Variants in MCTP1 observed in about 807,000 individuals in gnomAD.
MCTP1 encodes the protein multiple C2 and transmembrane domain containing 1, also known as multiple C2 and transmembrane domain-containing protein 1.
Under a neutral mutation model 120.6 loss-of-function variants are expected in MCTP1, and 69 were observed. That is an observed-to-expected ratio of 0.57 (90% CI 0.47 to 0.70). MCTP1 has a LOEUF of 0.70. Among genes scored for constraint, MCTP1 ranks in the 30% least tolerant of loss-of-function variants. MCTP1 has a pLI of 0.00. For synonymous variants in MCTP1, 529 were observed against 493.1 expected (o/e 1.07, Z -0.96); for missense variants, 1,203 against 1,248.8 (o/e 0.96, Z 0.55).
chr5:94,798,914 C>A, intron 18 of MCTP1, 99 bp downstream of exon 18: 4 of 1,282,860 alleles, frequency 3.1e-6, no homozygotes, highest in Non-Finnish European at 4.3e-6. Flanking sequence ...TATTTATAGA[C>A]AGAATTCCTG....
At chr5:95,253,305 C>A (rs1248601604) in intron 1 of MCTP1, among the ~76,000 whole-genome samples, 3 of 151,984 alleles carry the variant, frequency 2.0e-5, no homozygotes, top group Non-Finnish European at 4.4e-5. Context: ...AGAATTTTTA[C>A]CCACATACTC....
chr5:95,094,386 T>TGAATTATGAATTA (rs1756065538), intron 1 of MCTP1, among the ~76,000 whole-genome samples: 1 of 152,244 alleles, frequency 6.6e-6, no homozygotes, highest in South Asian at 2.1e-4. Context: ...TAAAAATTTA[T>TGAATTATGAATTA]TGAATAAATC....
chr5:95,122,865 T>C (rs1019017196), intron 1 of MCTP1, among the ~76,000 whole-genome samples: 10 of 151,842 alleles, frequency 6.6e-5, no homozygotes, highest in African/African-American at 2.4e-4. Context: ...GAACTGGAGG[T>C]CATTATGTTA....
rs1170958013 is a variant in MCTP1, at chr5:95,284,424, G to T, written c.152C>A (p.Ala51Glu). 6.4e-7 allele frequency: 1 copy of T among 1,558,692 alleles called. No homozygotes were observed. Among genetic ancestry groups the T allele is most frequent in the Non-Finnish European group, 8.6e-7 (1 of 1,160,684 alleles). Residue 51 changes from alanine to glutamate, a missense_variant, in exon 1 of 23, where the codon GCG becomes GAG. This residue lies in a region of MCTP1 where 463 missense variants were observed against 377.8 expected (regional missense o/e 1.23). Transcript: ENST00000515393. This position sits in a 1 kb window ranked among gnomAD's most constrained non-coding sequence, Gnocchi z 5.2. ...TGGCGGGGAGGGCGACGGGGTGTCC[G>T]CAGTGCGGCGCTCTGGACCCCCAGC... ...GRAGGPERRT[A>E]DTPSPSPPPP...
At chr5:95,005,905 T>G (rs1392734216) in intron 2 of MCTP1, among the ~76,000 whole-genome samples, 1 of 152,178 alleles carries the variant, frequency 6.6e-6, no homozygotes, top group African/African-American at 2.4e-5. Flanking sequence ...TTCAGGAGGC[T>G]GGAGCCCATC....
chr5:95,179,231 G>T (rs1748343939), intron 1 of MCTP1, among the ~76,000 whole-genome samples: 1 of 152,180 alleles, frequency 6.6e-6, no homozygotes, highest in Non-Finnish European at 1.5e-5. Flanking sequence ...AGGAAGAAGA[G>T]AAATCTAAAA....
chr5:95,152,729 A>C (rs912862773), intron 1 of MCTP1, among the ~76,000 whole-genome samples: 1 of 152,152 alleles, frequency 6.6e-6, no homozygotes, highest in Non-Finnish European at 1.5e-5. Context: ...AGTTTGCTGA[A>C]GGGGAATAAA....
intron 12 of MCTP1, among the ~76,000 whole-genome samples, chr5:94,886,028 C>A (rs1167510538): frequency 2.0e-5 from 3 of 152,164 alleles, no homozygotes; most frequent in African/African-American, 7.2e-5. Flanking sequence ...CACTGTCCAA[C>A]ACTGGGCTAT....
intron 17 of MCTP1, among the ~76,000 whole-genome samples, chr5:94,818,723 T>C (rs1306170848): frequency 6.6e-6 from 1 of 152,242 alleles, no homozygotes. Flanking sequence ...AATGGCCTCC[T>C]GGTAAATTAA....
intron 1 of MCTP1, among the ~76,000 whole-genome samples, chr5:95,083,901 C>T (rs1000250519): frequency 6.6e-6 from 1 of 152,152 alleles, no homozygotes; most frequent in East Asian, 1.9e-4. Flanking sequence ...CTAAGGAATA[C>T]TACCTAGTTA....
chr5:94,833,775 A>G (rs534300612), intron 17 of MCTP1, among the ~76,000 whole-genome samples: 1 of 152,314 alleles, frequency 6.6e-6, no homozygotes, highest in Non-Finnish European at 1.5e-5. Context: ...AGTTCCCTAG[A>G]TTATCTGCAG....
intron 7 of MCTP1, among the ~76,000 whole-genome samples, chr5:94,920,252 G>T (rs1464591795): frequency 2.0e-5 from 3 of 149,364 alleles, no homozygotes; most frequent in African/African-American, 7.4e-5. Context: ...AATAGTCTTG[G>T]GCCTGCCTTA....
chr5:95,214,772 AC>A (rs1444200692), intron 1 of MCTP1, among the ~76,000 whole-genome samples: 1 of 149,706 alleles, frequency 6.7e-6, no homozygotes, highest in African/African-American at 2.5e-5. Context: ...AGGACAAAAA[AC>A]CAAACACTGC....
chr5:95,114,424 G>T (rs369064544), intron 1 of MCTP1, among the ~76,000 whole-genome samples: 9 of 152,308 alleles, frequency 5.9e-5, no homozygotes, highest in African/African-American at 2.2e-4. Context: ...GAAGACCACT[G>T]CCCTGAAGGG....
intron 1 of MCTP1, among the ~76,000 whole-genome samples, chr5:95,055,239 T>G (rs1168586324): frequency 6.6e-6 from 1 of 152,196 alleles, no homozygotes; most frequent in Non-Finnish European, 1.5e-5. Context: ...TTAACTGTAT[T>G]TACTGGATCC....
chr5:95,041,783 T>C (rs1038241517), intron 1 of MCTP1, among the ~76,000 whole-genome samples: 3 of 152,210 alleles, frequency 2.0e-5, no homozygotes, highest in Admixed American at 6.5e-5. Context: ...CCAGAAGTTG[T>C]AGGAAAAATA....
intron 1 of MCTP1, among the ~76,000 whole-genome samples, chr5:95,078,318 G>A (rs1235093755): frequency 2.6e-5 from 4 of 152,120 alleles, no homozygotes; most frequent in Non-Finnish European, 1.5e-5. Flanking sequence ...ATTCCCTAAA[G>A]CTTTCCTGGG....
chr5:94,958,786 C>T (rs552944787), intron 2 of MCTP1, among the ~76,000 whole-genome samples: 23 of 152,230 alleles, frequency 1.5e-4, no homozygotes, highest in African/African-American at 4.6e-4. Context: ...TAGTAGCCTA[C>T]CAACCAAAAA....
chr5:94,924,358 T>C (rs1018441147), intron 6 of MCTP1, among the ~76,000 whole-genome samples: 1 of 152,172 alleles, frequency 6.6e-6, no homozygotes, highest in East Asian at 1.9e-4. Context: ...CAGATATTTA[T>C]TCCTTTTAAC....
Sources: gnomAD v4.1 joint callset for allele counts (sites outside exome capture counted in the v4.1 genomes callset) on GRCh38, gnomAD v4.1.1 for gene constraint, gnomAD v4.1.1 regional missense constraint, Gnocchi (gnomAD v3.1) non-coding constraint, MANE v1.5 for transcripts, NCBI Gene and HGNC (gene_info 2026-07-23, HGNC 2026-07-21) for gene names.